KCNH5: variants seen among roughly 807,000 people sequenced by gnomAD.
KCNH5 encodes potassium voltage-gated channel subfamily H member 5.
Under a neutral mutation model 96.1 loss-of-function variants are expected in KCNH5, and 46 were observed. The observed-to-expected ratio is 0.48, with a 90% confidence interval of 0.38 to 0.61. The LOEUF is 0.61. Ranked by LOEUF, KCNH5 falls within the 20% of genes least tolerant of loss-of-function variation. KCNH5 has a pLI of 0.00. For missense variants in KCNH5, 907 were observed against 1,225.8 expected, an observed-to-expected ratio of 0.74 and a Z score of 3.88; for synonymous variants, 439 against 449.8, an observed-to-expected ratio of 0.98 and a Z score of 0.30.
At chr14:62,849,620 T>C (rs748614589) in intron 8 of KCNH5, 33 bp downstream of exon 8, 14 of 1,570,682 alleles carry the variant, frequency 8.9e-6, no homozygotes, top group African/African-American at 2.7e-5. Context: ...CCTACTAAAA[T>C]AGAAACTAAA....
intron 10 of KCNH5, among the ~76,000 whole-genome samples, chr14:62,760,677 T>C (rs115279626): frequency 0.012 from 1,765 of 152,278 alleles, 32 homozygotes; most frequent in African/African-American, 0.04. Context: ...AATGAATGAC[T>C]TTTTCCAAGA....
At chr14:62,878,211 G>GAA (rs1403672487) in intron 7 of KCNH5, among the ~76,000 whole-genome samples, 8 of 149,000 alleles carry the variant, frequency 5.4e-5, no homozygotes, top group Admixed American at 5.3e-4. Context: ...TGGGGGGGGG[G>GAA]GCGGAGGGAT....
chr14:62,797,332 A>G (rs907256166), intron 9 of KCNH5, among the ~76,000 whole-genome samples: 2 of 152,236 alleles, frequency 1.3e-5, no homozygotes, highest in African/African-American at 4.8e-5. Context: ...CAAGACAAGT[A>G]TGCATGTTTT....
chr14:62,768,977 A>G (rs1885925286), intron 10 of KCNH5, among the ~76,000 whole-genome samples: 1 of 152,240 alleles, frequency 6.6e-6, no homozygotes, highest in Admixed American at 6.5e-5. Flanking sequence ...TTAAGGGCTT[A>G]AAAGACTCCA....
chr14:62,877,998 T>C (rs1269671768), intron 7 of KCNH5, among the ~76,000 whole-genome samples: 1 of 151,852 alleles, frequency 6.6e-6, no homozygotes, highest in East Asian at 1.9e-4. Flanking sequence ...ATATACACCA[T>C]GGAATACTAT....
intron 10 of KCNH5, among the ~76,000 whole-genome samples, chr14:62,761,860 G>A (rs143737328): frequency 3.3e-5 from 5 of 152,276 alleles, no homozygotes; most frequent in Non-Finnish European, 7.4e-5. Context: ...CCTTTCGAAG[G>A]ATGGCATTGA....
At chr14:62,854,686 T>C (rs1887895819) in intron 7 of KCNH5, among the ~76,000 whole-genome samples, 1 of 152,004 alleles carries the variant, frequency 6.6e-6, no homozygotes, top group Non-Finnish European at 1.5e-5. Flanking sequence ...GGTCTTTTTA[T>C]ATGCTCTCCT....
intron 6 of KCNH5, among the ~76,000 whole-genome samples, chr14:62,966,593 T>C (rs1890308398): frequency 6.6e-6 from 1 of 152,244 alleles, no homozygotes; most frequent in African/African-American, 2.4e-5. Flanking sequence ...CTTTGGACTA[T>C]TGTTCTGTCT....
At chr14:62,882,100 T>TAAA (rs143123435) in intron 7 of KCNH5, among the ~76,000 whole-genome samples, 1,321 of 76,630 alleles carry the variant, frequency 0.017, 113 homozygotes, top group African/African-American at 0.063. Flanking sequence ...CCCCATTTCT[T>TAAA]AAAAAAAAAA....
At position 62,869,788 on chromosome 14, in the gene KCNH5, C is replaced by T. The variant is rs150420099; in HGVS notation, c.1370-19936G>A. Among the ~76,000 whole-genome samples the T allele has an allele frequency of 1.4e-4, 21 of 152,162 alleles. No homozygotes were observed. In the South Asian group the frequency reaches 1.7e-3, roughly 12 times the overall value. On this transcript the variant is annotated intron_variant, in intron 7 of 10. Transcript: ENST00000322893. ...AACAGAACAGAGGCCTCAGAAATAA[C>T]GCCACACATCTACAACCATCTGATC...
intron 9 of KCNH5, among the ~76,000 whole-genome samples, chr14:62,798,805 A>T (rs1377837582): frequency 6.6e-6 from 1 of 152,214 alleles, no homozygotes; most frequent in African/African-American, 2.4e-5. Context: ...TTACGTGCCT[A>T]TCGAGAGACT....
chr14:62,808,515 C>T (rs2140005358), intron 8 of KCNH5, among the ~76,000 whole-genome samples: 1 of 152,054 alleles, frequency 6.6e-6, no homozygotes, highest in South Asian at 2.1e-4. Flanking sequence ...GTTAATATGT[C>T]TATAAAGTTT....
chr14:62,855,910 T>C (rs540281713), intron 7 of KCNH5, among the ~76,000 whole-genome samples: 1 of 152,196 alleles, frequency 6.6e-6, no homozygotes, highest in African/African-American at 2.4e-5. Context: ...TATACCAACC[T>C]CTGGGAACAC....
At chr14:62,800,690 T>C (rs1029332619) in intron 9 of KCNH5, among the ~76,000 whole-genome samples, 1 of 152,204 alleles carries the variant, frequency 6.6e-6, no homozygotes, top group Non-Finnish European at 1.5e-5. Flanking sequence ...TTTTATCCTC[T>C]TCTTTAAGCA....
rs920292571 is a variant in KCNH5 at position 62,712,407 on chromosome 14, A to G, written c.2020-3952T>C. ...ATGGAATGAGAACATTTTACGAGCT[A>G]GGACCTATTATTCTCTACTGTAGGA... On this transcript the variant is annotated intron_variant, in intron 10 of 10. Coordinates refer to ENST00000322893, the MANE Select transcript of KCNH5 (RefSeq NM_139318.5). 5.9e-6 allele frequency: 3 copies of G among 512,414 alleles called. No homozygotes were observed. The Admixed American group carries it at 1.0e-4, about 18-fold the overall frequency. The allele number at this position is 512,414 out of a possible 1,614,324, so 31.7% of individuals were successfully genotyped here.
Position 62,980,989 on chromosome 14 carries a change from T to C in KCNH5, c.825A>G (p.Gly275=). Residue 275 remains glycine, a synonymous_variant, in exon 6 of 11, where the codon GGA becomes GGG. Coordinates refer to ENST00000322893, the MANE Select transcript of KCNH5 (RefSeq NM_139318.5). The stretch of plus-strand genomic sequence containing the variant: ...TGAGCTTAGGGTCAGAAATGACCTC[T>C]CCACCGGGCCCCACGAAAGTCGTGT... ...NFHTTFVGPG[G]EVISDPKLIR... is the part of the protein sequence containing the mutation. The C allele has an allele frequency of 6.2e-7, 1 of 1,614,140 alleles. No homozygotes were observed. Among genetic ancestry groups the C allele is most frequent in the Non-Finnish European group, 8.5e-7 (1 of 1,180,018 alleles).
At chr14:62,844,034 T>C (rs985541529) in intron 8 of KCNH5, among the ~76,000 whole-genome samples, 6 of 152,180 alleles carry the variant, frequency 3.9e-5, no homozygotes, top group Non-Finnish European at 7.4e-5. Context: ...GGTTAAAAGA[T>C]AATAAAAAAT....
intron 6 of KCNH5, among the ~76,000 whole-genome samples, chr14:62,973,436 T>A (rs1205345313): frequency 6.6e-6 from 1 of 152,210 alleles, no homozygotes; most frequent in African/African-American, 2.4e-5. Flanking sequence ...TCATGAGGGA[T>A]CTGCCCTCAT....
intron 7 of KCNH5, among the ~76,000 whole-genome samples, chr14:62,914,199 C>T (rs1465140244): frequency 6.6e-6 from 1 of 152,176 alleles, no homozygotes; most frequent in East Asian, 1.9e-4. Flanking sequence ...CGTTAATAAC[C>T]ATCTCAACTG....
Sources: allele counts gnomAD v4.1 joint callset (sites outside exome capture counted in the v4.1 genomes callset), GRCh38; gene constraint gnomAD v4.1.1; transcripts MANE v1.5; gene names NCBI Gene and HGNC (gene_info 2026-07-23, HGNC 2026-07-21).